SSBP3: variants seen among roughly 807,000 people sequenced by gnomAD.
SSBP3 encodes the protein single stranded DNA binding protein 3, also known as single-stranded DNA-binding protein 3.
In SSBP3, 5 loss-of-function variants were observed where a neutral mutation model predicts 69.6. The observed-to-expected ratio is 0.07, with a 90% CI of 0.04 to 0.15. SSBP3 has a LOEUF of 0.15. Ranked by LOEUF, SSBP3 falls within the 10% of genes least tolerant of loss-of-function variation. The pLI is 1.00. For synonymous variants in SSBP3, 196 were observed against 193.4 expected (o/e 1.01, Z -0.11); for missense variants, 312 against 534.0 (o/e 0.58, Z 4.10).
At chr1:54,255,197 G>T (rs1341596336) in intron 7 of SSBP3, among the ~76,000 whole-genome samples, 2 of 151,816 alleles carry the variant, frequency 1.3e-5, no homozygotes, top group Middle Eastern at 3.2e-3. Flanking sequence ...GGGAAAACTG[G>T]TGTGTAATAC....
chr1:54,256,990 G>A (rs1360481646), intron 7 of SSBP3, 137 bp downstream of exon 7: 2 of 843,746 alleles, frequency 2.4e-6, no homozygotes, highest in Non-Finnish European at 3.7e-6. Flanking sequence ...CTGGGGAACA[G>A]CTAGTAAGCT....
At chr1:54,285,837 G>T (rs1186630337) in intron 4 of SSBP3, among the ~76,000 whole-genome samples, 4 of 152,236 alleles carry the variant, frequency 2.6e-5, no homozygotes, top group East Asian at 3.8e-4. Flanking sequence ...GAAGAAGAGA[G>T]AAAAGAACAC....
chr1:54,231,466 G>A lies in SSBP3; in HGVS notation c.928-2640C>T, dbSNP rs1644378151. On this transcript the variant is annotated intron_variant, in intron 14 of 17. Coordinates refer to ENST00000610401, the Ensembl canonical transcript of SSBP3. ...ACATGATTTATTTTCTCCATTCTGT[G>A]GTTTGTCTTTTTACTTCCTTGATGG... 2.0e-5 allele frequency among the ~76,000 whole-genome samples: 3 copies of A among 152,108 alleles called. No homozygotes were observed. In the South Asian group the frequency reaches 6.2e-4, roughly 32 times the overall value.
chr1:54,315,711 G>A (rs1646084556), intron 4 of SSBP3, among the ~76,000 whole-genome samples: 1 of 151,782 alleles, frequency 6.6e-6, no homozygotes, highest in Admixed American at 6.6e-5. Flanking sequence ...ACCCAGGCTG[G>A]GCTGCAGTTC....
chr1:54,346,123 A>G lies in SSBP3; in HGVS notation c.276+55738T>C, dbSNP rs564726251. On this transcript the variant is annotated intron_variant, in intron 4 of 17. Coordinates refer to ENST00000610401, the Ensembl canonical transcript of SSBP3. The stretch of plus-strand genomic sequence containing the variant: ...GGTTGCAGTGAGCTGAGATCGTGCC[A>G]TTGCACTCCAGCCGTGTGACAGAGT... 6.6e-5 allele frequency among the ~76,000 whole-genome samples: 10 copies of G among 151,992 alleles called. No individual in the cohort carries two copies. In the South Asian group the frequency reaches 2.1e-3, roughly 32 times the overall value.
chr1:54,254,473 C>G (rs1644885138), intron 7 of SSBP3, among the ~76,000 whole-genome samples: 2 of 152,346 alleles, frequency 1.3e-5, no homozygotes, highest in South Asian at 4.1e-4. Flanking sequence ...CTATGCACAG[C>G]CTCTAGCCAG....
upstream of SSBP3, among the ~76,000 whole-genome samples, chr1:54,410,005 G>A (rs1010428781): frequency 2.6e-5 from 4 of 152,182 alleles, no homozygotes; most frequent in South Asian, 2.1e-4. Context: ...CTCCCAGTTC[G>A]GGGCAGGTGT....
intron 4 of SSBP3, among the ~76,000 whole-genome samples, chr1:54,369,287 C>T (rs1472766865): frequency 7.9e-6 from 1 of 125,788 alleles, no homozygotes; most frequent in African/African-American, 3.6e-5. Context: ...CCCGCAGAGG[C>T]TCCACGGGAT....
chr1:54,278,177 G>A (rs974289937), intron 5 of SSBP3, among the ~76,000 whole-genome samples: 29 of 152,170 alleles, frequency 1.9e-4, no homozygotes, highest in Non-Finnish European at 4.0e-4. Context: ...CTGGCTTCCT[G>A]TTAGGCCCTC....
rs543087731 is a variant in SSBP3 at position 54,260,671 on chromosome 1, GA to G, written c.367-2523del. On this transcript the variant is annotated intron_variant, in intron 5 of 17. Transcript: ENST00000610401. ...CTTGCTCTTGGCGCAGCTGCCTCAA[GA>G]AAAAAAGCTGACAAGCAGTAAGGAT... Among the ~76,000 whole-genome samples, 20 of 152,306 alleles carry G rather than the reference GA, an allele frequency of 1.3e-4. 1 individual carries two copies. In the South Asian group the frequency reaches 4.1e-3, roughly 32 times the overall value.
At chr1:54,387,064 G>A (rs1020605302) in intron 4 of SSBP3, among the ~76,000 whole-genome samples, 2 of 152,074 alleles carry the variant, frequency 1.3e-5, no homozygotes, top group South Asian at 2.1e-4. Flanking sequence ...AAGAACATCC[G>A]TTCCATCCGT....
At position 54,404,736 on chromosome 1, in the gene SSBP3, T is replaced by C. The variant is rs534457431; in HGVS notation, c.130-99A>G. The stretch of plus-strand genomic sequence containing the variant: ...GCTAGGAAGACCAACTAACAATAAA[T>C]GCCAAAAGGTGATAAAAATTCAAAA... On this transcript the variant is annotated intron_variant, in intron 2 of 17. Transcript: ENST00000610401. The C allele has an allele frequency of 5.0e-6, 7 of 1,400,042 alleles. No homozygotes were observed. In the Admixed American group the frequency reaches 9.1e-5, roughly 18 times the overall value. 86.7% of individuals were successfully genotyped at this position (1,400,042 alleles called of 1,614,324 possible).
chr1:54,341,099 G>A (rs568350672), intron 4 of SSBP3, among the ~76,000 whole-genome samples: 5 of 152,302 alleles, frequency 3.3e-5, no homozygotes, highest in African/African-American at 7.2e-5. Flanking sequence ...ATAGTAAGCC[G>A]GCTGGCACCT....
chr1:54,364,735 A>C (rs956288462), intron 4 of SSBP3, among the ~76,000 whole-genome samples: 1 of 152,164 alleles, frequency 6.6e-6, no homozygotes, highest in African/African-American at 2.4e-5. Context: ...CACGTGTGCT[A>C]ATGATCAATC....
chr1:54,363,447 T>A (rs556897647), intron 4 of SSBP3, among the ~76,000 whole-genome samples: 1 of 152,212 alleles, frequency 6.6e-6, no homozygotes, highest in South Asian at 2.1e-4. Context: ...ATGACTATGC[T>A]ACCAAATCAG....
chr1:54,277,639 A>AC, intron 5 of SSBP3, among the ~76,000 whole-genome samples: 1 of 152,242 alleles, frequency 6.6e-6, no homozygotes, highest in Non-Finnish European at 1.5e-5. Context: ...TAAAAACACT[A>AC]TGTAACTGAA....
chr1:54,300,607 G>A (rs1423646322), intron 4 of SSBP3, among the ~76,000 whole-genome samples: 4 of 152,178 alleles, frequency 2.6e-5, no homozygotes, highest in Admixed American at 2.6e-4. Context: ...CGGAGGGTGG[G>A]GCTTCACAGA....
intron 4 of SSBP3, among the ~76,000 whole-genome samples, chr1:54,378,215 T>A (rs1647336841): frequency 6.6e-6 from 1 of 152,212 alleles, no homozygotes; most frequent in Non-Finnish European, 1.5e-5. Flanking sequence ...TCATCAACTT[T>A]CTTTCATGGA....
exon 1 of SSBP3, chr1:54,405,992 T>C (rs750580038): frequency 4.0e-6 from 6 of 1,484,986 alleles, no homozygotes; most frequent in East Asian, 2.9e-5. Flanking sequence ...CGCCGAGCCT[T>C]TGCCTTTGGC....
Sources: allele counts gnomAD v4.1 joint callset (sites outside exome capture counted in the v4.1 genomes callset), GRCh38; gene constraint gnomAD v4.1.1; transcripts MANE v1.5; gene names NCBI Gene and HGNC (gene_info 2026-07-23, HGNC 2026-07-21).